TNRC6B: variants seen among roughly 807,000 people sequenced by gnomAD.
TNRC6B encodes the protein trinucleotide repeat-containing gene 6B protein.
A neutral mutation model predicts 203.6 loss-of-function variants in TNRC6B; 52 were observed. The observed-to-expected ratio is 0.26, with a 90% CI of 0.20 to 0.32. The LOEUF (loss-of-function observed/expected upper bound fraction) is 0.32, where lower values mean the gene tolerates loss of function less well. Among genes scored for constraint, TNRC6B ranks in the 10% least tolerant of loss-of-function variants. The pLI, the probability that TNRC6B is intolerant of heterozygous loss-of-function variation, is 1.00. For missense variants in TNRC6B, 1,923 were observed against 2,286.2 expected (o/e 0.84, Z 3.24); for synonymous variants, 838 against 845.7 (o/e 0.99, Z 0.16).
At chr22:40,256,773 G>A (rs189441536) in intron 3 of TNRC6B, among the ~76,000 whole-genome samples, 1 of 152,310 alleles carries the variant, frequency 6.6e-6, no homozygotes, top group Admixed American at 6.5e-5. Flanking sequence ...GCCCACACAG[G>A]AAGAGGAAAG....
intron 6 of TNRC6B, 131 bp downstream of exon 6, chr22:40,270,411 C>A: frequency 5.4e-6 from 5 of 933,872 alleles, no homozygotes; most frequent in Non-Finnish European, 5.6e-6. Flanking sequence ...CCTCTGCTTT[C>A]CAGCTTCAAG....
intron 3 of TNRC6B, among the ~76,000 whole-genome samples, chr22:40,252,630 A>C (rs1251781885): frequency 6.6e-6 from 1 of 152,266 alleles, no homozygotes; most frequent in Non-Finnish European, 1.5e-5. Flanking sequence ...TGTGTAAAAG[A>C]AACCATAATT....
In TNRC6B at chr22:40,178,111, C is replaced by A; in HGVS notation, c.-25C>A. 6.2e-7 allele frequency: 1 copy of A among 1,611,138 alleles called. No homozygotes were observed. ...TTTCTACCTTGTATGCCTCAATTTG[C>A]TGGATTTAAGCACTGCTGCACTTTA... On this transcript the variant is annotated 5_prime_UTR_variant, in exon 1 of 23. The change creates a new upstream start codon in the 5' untranslated region. Transcript: ENST00000454349.
chr22:40,099,588 C>T (rs1287987421), intron 1 of TNRC6B, among the ~76,000 whole-genome samples: 1 of 151,998 alleles, frequency 6.6e-6, no homozygotes, highest in Non-Finnish European at 1.5e-5. Context: ...TGACATTATT[C>T]CCTAAATAAT....
intron 1 of TNRC6B, among the ~76,000 whole-genome samples, chr22:40,107,516 TA>T (rs987495419): frequency 6.6e-6 from 1 of 152,058 alleles, no homozygotes; most frequent in Non-Finnish European, 1.5e-5. Flanking sequence ...TACTAAAAAA[TA>T]AAAAAAGACT....
rs552872825 is a variant in TNRC6B at position 40,244,913 on chromosome 22, GTAAAT to G, written c.6-1099_6-1095del. 4.0e-3 allele frequency among the ~76,000 whole-genome samples: 609 copies of G among 152,230 alleles called. 5 individuals carry two copies. The highest frequency in any genetic ancestry group is 0.017 in the Middle Eastern group (5 of 294). ...AAATGTTACTTTTCAAATGTGTGCT[GTAAAT>G]TAGAGTCTCTTAATTTCTTCAGATT... On this transcript the variant is annotated intron_variant, in intron 1 of 22. Transcript: ENST00000454349.
intron 1 of TNRC6B, among the ~76,000 whole-genome samples, chr22:40,099,703 GC>G (rs1280138054): frequency 6.6e-6 from 1 of 152,132 alleles, no homozygotes; most frequent in Non-Finnish European, 1.5e-5. Context: ...TAAGGAGGGG[GC>G]ATTAGGTTAT....
At chr22:40,291,310 A>AG (rs1484725590) in intron 12 of TNRC6B, among the ~76,000 whole-genome samples, 3 of 152,128 alleles carry the variant, frequency 2.0e-5, no homozygotes, top group African/African-American at 7.2e-5. Context: ...ACCTGAGCCC[A>AG]GGAGGTTGAG....
rs367951504 is a variant in TNRC6B, at chr22:40,322,495, C to T, written c.5115-359C>T. On this transcript the variant is annotated intron_variant, in intron 22 of 22. Coordinates refer to ENST00000454349, the MANE Select transcript of TNRC6B (RefSeq NM_001162501.2). ...CTGCCAGTTCAGTCATCCCTCTTAG[C>T]CCCCCACAGACACACACGTTTTTCT... 1.7e-3 allele frequency among the ~76,000 whole-genome samples: 261 copies of T among 152,268 alleles called. 8 individuals are homozygous for T. In the South Asian group the frequency reaches 0.051, roughly 30 times the overall value.
chr22:40,096,894 G>A (rs1296714479), intron 1 of TNRC6B, among the ~76,000 whole-genome samples: 1 of 152,180 alleles, frequency 6.6e-6, no homozygotes, highest in African/African-American at 2.4e-5. Flanking sequence ...AGAACAAGTT[G>A]GAATGTAGTA....
intron 12 of TNRC6B, among the ~76,000 whole-genome samples, chr22:40,293,517 T>C (rs1601496997): frequency 1.3e-5 from 2 of 151,504 alleles, no homozygotes; most frequent in African/African-American, 4.8e-5. Flanking sequence ...CATGTTTGTC[T>C]CCCAGGATGA....
At chr22:40,122,089 G>T (rs1601825845) in intron 2 of TNRC6B, among the ~76,000 whole-genome samples, 1 of 152,226 alleles carries the variant, frequency 6.6e-6, no homozygotes, top group East Asian at 1.9e-4. Flanking sequence ...CAAAATTTTG[G>T]TGCCACGCAC....
chr22:40,060,673 A>G (rs958210588), intron 1 of TNRC6B, among the ~76,000 whole-genome samples: 1 of 152,214 alleles, frequency 6.6e-6, no homozygotes, highest in Non-Finnish European at 1.5e-5. Flanking sequence ...ATACAGTGCA[A>G]AATTAAAAGG....
Position 40,266,023 on chromosome 22 carries a change from C to T in TNRC6B, c.1793C>T (p.Pro598Leu). 1 of 1,613,794 alleles carries T rather than the reference C, an allele frequency of 6.2e-7. No individual in the cohort carries two copies. The highest frequency in any genetic ancestry group is 8.5e-7 in the Non-Finnish European group (1 of 1,179,904). Residue 598 changes from proline to leucine, a missense_variant, in exon 5 of 23, where the codon CCT becomes CTT. Around this residue, in one of 8 missense-constraint regions of TNRC6B, gnomAD observed 614 missense variants for 587.7 expected, o/e 1.04. Coordinates refer to ENST00000454349, the MANE Select transcript of TNRC6B (RefSeq NM_001162501.2). Reference sequence around the variant, plus strand: ...CGTCGGTCGTACAGGCCCACACATCCTGATTGTCAGGCTGTCTTGCAGACT... The same window carrying T: ...CGTCGGTCGTACAGGCCCACACATCTTGATTGTCAGGCTGTCTTGCAGACT... ...SGRRSYRPTH[P>L]DCQAVLQTLL... is the part of the protein sequence containing the mutation.
At chr22:40,286,209 T>A (rs985428219) in intron 12 of TNRC6B, among the ~76,000 whole-genome samples, 5 of 152,212 alleles carry the variant, frequency 3.3e-5, no homozygotes, top group Non-Finnish European at 5.9e-5. Context: ...CAGTGGCTCA[T>A]GCCTGTAATC....
chr22:40,265,093 G>A lies in TNRC6B; in HGVS notation c.863G>A (p.Ser288Asn). ...GGACTAGGAAATTGGAGGAATGTGA[G>A]TGGTCAGGATAGAATTGGACCTGGC... is the stretch of plus-strand genomic sequence containing the variant. ...NNGLGNWRNV[S>N]GQDRIGPGSG... Residue 288 changes from serine (S) to asparagine (N), a missense_variant, in exon 5 of 23, where the codon AGT becomes AAT. Physicochemically the swap from Ser to Asn is conservative, Grantham distance 46. This residue lies in a region of TNRC6B where 614 missense variants were observed against 587.7 expected (regional missense o/e 1.04). Coordinates refer to ENST00000454349, the MANE Select transcript of TNRC6B (RefSeq NM_001162501.2). 1.2e-6 allele frequency: 2 copies of A among 1,614,002 alleles called. No individual in the cohort carries two copies. The highest frequency in any genetic ancestry group is 1.7e-6 in the Non-Finnish European group (2 of 1,179,894).
chr22:40,237,885 T>G (rs2069969977), intron 1 of TNRC6B, among the ~76,000 whole-genome samples: 1 of 151,946 alleles, frequency 6.6e-6, no homozygotes, highest in African/African-American at 2.4e-5. Context: ...GTGTGTGTGT[T>G]TTCTGTCTCC....
At chr22:40,113,333 A>G (rs559714528) in intron 1 of TNRC6B, among the ~76,000 whole-genome samples, 1 of 152,162 alleles carries the variant, frequency 6.6e-6, no homozygotes, top group Non-Finnish European at 1.5e-5. Context: ...AAATAAAACC[A>G]TCTGTTTCTA....
chr22:40,143,318 A>G (rs977698600), intron 3 of TNRC6B, among the ~76,000 whole-genome samples: 5 of 152,116 alleles, frequency 3.3e-5, no homozygotes, highest in Non-Finnish European at 7.4e-5. Flanking sequence ...CTGTAGTCCT[A>G]GCTGCCCAGG....
Sources: allele counts gnomAD v4.1 joint callset (sites outside exome capture counted in the v4.1 genomes callset), GRCh38; gene constraint gnomAD v4.1.1; regional missense constraint gnomAD v4.1.1; transcripts MANE v1.5; gene names NCBI Gene and HGNC (gene_info 2026-07-23, HGNC 2026-07-21).